SORCS1: variants seen among roughly 807,000 people sequenced by gnomAD.
SORCS1 encodes VPS10 domain-containing receptor SorCS1.
A neutral mutation model predicts 146.1 loss-of-function variants in SORCS1; 60 were observed. The ratio of observed to expected loss-of-function variants is 0.41; its 90% confidence interval spans 0.33 to 0.51. SORCS1 has a LOEUF of 0.51. Among genes scored for constraint, SORCS1 ranks in the 20% least tolerant of loss-of-function variants. The probability of loss-of-function intolerance (pLI) is 0.21; values close to 1 mark genes in which losing one functional copy is unlikely to be tolerated. For missense variants in SORCS1, 1,352 were observed against 1,487.6 expected, an observed-to-expected ratio of 0.91 and a Z score of 1.50; for synonymous variants, 637 against 584.0, an observed-to-expected ratio of 1.09 and a Z score of -1.31.
intron 5 of SORCS1, among the ~76,000 whole-genome samples, chr10:106,750,849 A>G (rs1275129690): frequency 1.4e-5 from 2 of 147,070 alleles, no homozygotes; most frequent in African/African-American, 2.5e-5. Flanking sequence ...CACGAGGTCA[A>G]GAGATGGAGA....
At chr10:106,760,442 C>CAAAA (rs34324078) in intron 5 of SORCS1, among the ~76,000 whole-genome samples, 72 of 45,552 alleles carry the variant, frequency 1.6e-3, no homozygotes, top group Non-Finnish European at 2.0e-3. Context: ...GACTCCGTCT[C>CAAAA]AAAAAAAAAA....
At chr10:106,996,193 C>T (rs954710775) in intron 1 of SORCS1, among the ~76,000 whole-genome samples, 1 of 146,330 alleles carries the variant, frequency 6.8e-6, no homozygotes, top group Non-Finnish European at 1.5e-5. Context: ...CGCCACTGTA[C>T]TCCAGCCTGG....
chr10:107,039,060 G>T (rs552369741), intron 1 of SORCS1, among the ~76,000 whole-genome samples: 7 of 152,024 alleles, frequency 4.6e-5, no homozygotes, highest in African/African-American at 1.2e-4. Flanking sequence ...AAAGGAAAAA[G>T]AAATCACGCC....
intron 10 of SORCS1, among the ~76,000 whole-genome samples, chr10:106,685,745 A>G (rs1852781698): frequency 6.6e-6 from 1 of 152,294 alleles, no homozygotes; most frequent in Non-Finnish European, 1.5e-5. Flanking sequence ...GCCAGATCAC[A>G]TGGGGCCTCA....
intron 1 of SORCS1, among the ~76,000 whole-genome samples, chr10:106,985,167 A>G (rs1956411959): frequency 6.6e-6 from 1 of 152,300 alleles, no homozygotes; most frequent in East Asian, 1.9e-4. Context: ...AGCCAGGGCA[A>G]CAAGAGCGAA....
intron 3 of SORCS1, among the ~76,000 whole-genome samples, chr10:106,828,239 A>C (rs1487405739): frequency 6.6e-6 from 1 of 152,196 alleles, no homozygotes; most frequent in Admixed American, 6.5e-5. Context: ...TCTATGCTCA[A>C]CTGAAAAGTT....
At chr10:106,917,916 A>G (rs1244766731) in intron 2 of SORCS1, among the ~76,000 whole-genome samples, 2 of 152,212 alleles carry the variant, frequency 1.3e-5, no homozygotes, top group African/African-American at 4.8e-5. Flanking sequence ...TTTGGCCAGG[A>G]GCCTATGCTA....
At chr10:106,879,852 C>A (rs1950744357) in intron 2 of SORCS1, among the ~76,000 whole-genome samples, 1 of 152,164 alleles carries the variant, frequency 6.6e-6, no homozygotes, top group Non-Finnish European at 1.5e-5. Context: ...TCCCCAGAGC[C>A]CCCAGATGGG....
rs181471836 is a variant in SORCS1 at position 107,004,125 on chromosome 10, G to A, written c.559-47545C>T. Among the ~76,000 whole-genome samples, 804 of 139,864 alleles carry A rather than the reference G, an allele frequency of 5.7e-3. 12 individuals carry two copies. Among genetic ancestry groups the A allele is most frequent in the African/African-American group, 0.021 (751 of 35,564 alleles). The allele number at this position is 139,864 out of a possible 152,430, so 91.8% of individuals were successfully genotyped here. On this transcript the variant is annotated intron_variant, in intron 1 of 25. Coordinates refer to ENST00000263054, the MANE Select transcript of SORCS1 (RefSeq NM_052918.5). Reference sequence around the variant, plus strand: ...CGGGAGGCGGAGCTGGCACTGAGCCGAGATTGCGCCACTGCACTCCAGCCT... The same window carrying A: ...CGGGAGGCGGAGCTGGCACTGAGCCAAGATTGCGCCACTGCACTCCAGCCT...
At chr10:106,978,088 C>G (rs1230291922) in intron 1 of SORCS1, among the ~76,000 whole-genome samples, 1 of 152,118 alleles carries the variant, frequency 6.6e-6, no homozygotes, top group East Asian at 1.9e-4. Flanking sequence ...GGATTATAGG[C>G]ACCCACCATC....
intron 2 of SORCS1, among the ~76,000 whole-genome samples, chr10:106,939,100 T>C (rs903002246): frequency 2.0e-5 from 3 of 152,118 alleles, no homozygotes; most frequent in Admixed American, 6.5e-5. Flanking sequence ...ATACCAAATT[T>C]AAGAAAAATA....
upstream of SORCS1, among the ~76,000 whole-genome samples, chr10:107,167,239 A>G (rs754593390): frequency 6.6e-6 from 1 of 152,218 alleles, no homozygotes; most frequent in Non-Finnish European, 1.5e-5. Flanking sequence ...AGCGGAAAGT[A>G]CCAGTAATTT....
intron 2 of SORCS1, among the ~76,000 whole-genome samples, chr10:106,881,260 T>C (rs1038522509): frequency 2.6e-4 from 40 of 152,294 alleles, no homozygotes; most frequent in African/African-American, 9.6e-4. Flanking sequence ...ATTTTCTCCA[T>C]CTTTTTAAGT....
At chr10:106,699,794 T>C (rs1187876525) in intron 8 of SORCS1, among the ~76,000 whole-genome samples, 1 of 151,926 alleles carries the variant, frequency 6.6e-6, no homozygotes, top group Non-Finnish European at 1.5e-5. Context: ...AGAGAGAAAA[T>C]AGACAAACCC....
At chr10:106,632,407 C>G (rs1181650014) in intron 18 of SORCS1, among the ~76,000 whole-genome samples, 1 of 152,194 alleles carries the variant, frequency 6.6e-6, no homozygotes, top group African/African-American at 2.4e-5. Flanking sequence ...TGGGGCTCAT[C>G]TGTCATCAGA....
intron 2 of SORCS1, among the ~76,000 whole-genome samples, chr10:106,849,218 T>C (rs1451182747): frequency 1.3e-5 from 2 of 151,026 alleles, no homozygotes; most frequent in African/African-American, 4.8e-5. Context: ...CACTTTCAGG[T>C]ACACCAATCA....
chr10:106,816,737 CTCT>C (rs1947758568), intron 3 of SORCS1, among the ~76,000 whole-genome samples: 1 of 152,134 alleles, frequency 6.6e-6, no homozygotes, highest in African/African-American at 2.4e-5. Flanking sequence ...GCAGGTCCCT[CTCT>C]TCTTGTTTGA....
intron 12 of SORCS1, 78 bp from the exon 13 acceptor site, chr10:106,677,482 G>T: frequency 7.8e-7 from 1 of 1,282,564 alleles, no homozygotes. Flanking sequence ...GTCTTCACAT[G>T]AGAACAAAAA....
intron 21 of SORCS1, 32 bp downstream of exon 21, chr10:106,618,117 A>G: frequency 6.2e-7 from 1 of 1,612,938 alleles, no homozygotes; most frequent in Non-Finnish European, 8.5e-7. Context: ...GAGCATGAAG[A>G]CAGCAGTAGA....
Sources: gnomAD v4.1 joint callset for allele counts (sites outside exome capture counted in the v4.1 genomes callset) on GRCh38, gnomAD v4.1.1 for gene constraint, MANE v1.5 for transcripts, NCBI Gene and HGNC (gene_info 2026-07-23, HGNC 2026-07-21) for gene names.